PLCB4: variants seen among roughly 807,000 people sequenced by gnomAD.
The protein encoded by PLCB4 is 1-phosphatidylinositol 4,5-bisphosphate phosphodiesterase beta-4.
PLCB4 carries 77 observed loss-of-function variants against 178.8 expected under a neutral mutation model. The observed-to-expected ratio is 0.43, with a 90% confidence interval of 0.36 to 0.52. The LOEUF is 0.52. Ranked by LOEUF, PLCB4 falls within the 20% of genes least tolerant of loss-of-function variation. The probability of loss-of-function intolerance (pLI) is 0.00; values close to 1 mark genes in which losing one functional copy is unlikely to be tolerated. For synonymous variants in PLCB4, 496 were observed against 490.8 expected, an observed-to-expected ratio of 1.01 and a Z score of -0.14; for missense variants, 1,024 against 1,453.4, an observed-to-expected ratio of 0.70 and a Z score of 4.80.
intron 3 of PLCB4, among the ~76,000 whole-genome samples, chr20:9,297,956 C>T (rs1371464581): frequency 6.6e-6 from 1 of 152,062 alleles, no homozygotes. Flanking sequence ...CTGATTATTG[C>T]AGATTGAATT....
chr20:9,093,182 A>G (rs2090758759), intron 1 of PLCB4, among the ~76,000 whole-genome samples: 2 of 152,240 alleles, frequency 1.3e-5, no homozygotes, highest in Non-Finnish European at 2.9e-5. Flanking sequence ...GCATGAATGT[A>G]AAATATCTAA....
At chr20:9,478,130 A>G (rs1035799321) in intron 39 of PLCB4, among the ~76,000 whole-genome samples, 15 of 152,170 alleles carry the variant, frequency 9.9e-5, no homozygotes, top group African/African-American at 3.1e-4. Context: ...GTCGAAATGT[A>G]CTATTTGATT....
intron 1 of PLCB4, among the ~76,000 whole-genome samples, chr20:9,074,748 G>T (rs2089750595): frequency 6.7e-6 from 1 of 148,934 alleles, no homozygotes; most frequent in African/African-American, 2.5e-5. Context: ...ATATAATTCA[G>T]TGAGCCAGAT....
intron 30 of PLCB4, 139 bp downstream of exon 30, chr20:9,437,291 C>A: frequency 1.4e-6 from 1 of 739,644 alleles, no homozygotes; most frequent in Non-Finnish European, 2.1e-6. Flanking sequence ...TTAACTAATT[C>A]ATCCCCACTC....
intron 11 of PLCB4, 88 bp downstream of exon 11, chr20:9,372,491 G>A (rs1029597755): frequency 3.9e-5 from 25 of 634,500 alleles, no homozygotes; most frequent in Middle Eastern, 4.1e-4. Flanking sequence ...TTTTAATAGA[G>A]TATGTTGGTA....
chr20:9,262,316 C>CGAGT (rs11467633), intron 3 of PLCB4, among the ~76,000 whole-genome samples: 4 of 151,706 alleles, frequency 2.6e-5, no homozygotes, highest in South Asian at 2.1e-4. Context: ...GGTGAGTGAG[C>CGAGT]GAGTGAGTGA....
chr20:9,121,428 G>A (rs1356083253), intron 2 of PLCB4, among the ~76,000 whole-genome samples: 2 of 152,016 alleles, frequency 1.3e-5, no homozygotes, highest in Non-Finnish European at 2.9e-5. Flanking sequence ...ACCATTTTCT[G>A]TTTCTTCTGA....
intron 2 of PLCB4, among the ~76,000 whole-genome samples, chr20:9,128,766 A>G (rs2092197638): frequency 6.6e-6 from 1 of 152,168 alleles, no homozygotes; most frequent in African/African-American, 2.4e-5. Flanking sequence ...ATTACTATTC[A>G]TCTCCAGAAC....
chr20:9,369,330 CAG>C (rs1417144980), intron 9 of PLCB4, among the ~76,000 whole-genome samples: 1 of 152,166 alleles, frequency 6.6e-6, no homozygotes, highest in Non-Finnish European at 1.5e-5. Flanking sequence ...CAGATCCTGC[CAG>C]AGTCTTACTA....
At chr20:9,174,537 A>G (rs1396616643) in intron 2 of PLCB4, among the ~76,000 whole-genome samples, 1 of 150,020 alleles carries the variant, frequency 6.7e-6, no homozygotes, top group Non-Finnish European at 1.5e-5. Flanking sequence ...TTTCATCTAC[A>G]TTTCCTACTA....
At chr20:9,117,302 T>C (rs956045396) in intron 2 of PLCB4, among the ~76,000 whole-genome samples, 1 of 152,208 alleles carries the variant, frequency 6.6e-6, no homozygotes, top group Non-Finnish European at 1.5e-5. Context: ...TTGTAATTTC[T>C]GTCAAAGGGT....
At chr20:9,077,786 ACTGGC>A (rs2089942237) in intron 1 of PLCB4, among the ~76,000 whole-genome samples, 1 of 152,224 alleles carries the variant, frequency 6.6e-6, no homozygotes, top group African/African-American at 2.4e-5. Context: ...AGACGTTGAT[ACTGGC>A]CTGGGAAAAT....
intron 12 of PLCB4, among the ~76,000 whole-genome samples, chr20:9,373,775 A>T (rs1316040248): frequency 6.6e-6 from 1 of 152,196 alleles, no homozygotes; most frequent in Non-Finnish European, 1.5e-5. Flanking sequence ...CAAGAGAAAA[A>T]TATTTTCGAA....
chr20:9,134,193 C>A (rs1221045463), intron 2 of PLCB4, among the ~76,000 whole-genome samples: 1 of 152,120 alleles, frequency 6.6e-6, no homozygotes, highest in Non-Finnish European at 1.5e-5. Flanking sequence ...TCCTGAGTTT[C>A]AGAATTTTTA....
At position 9,327,783 on chromosome 20, in the gene PLCB4, A is replaced by T. The variant is rs138033714; in HGVS notation, c.85-9343A>T. Among the ~76,000 whole-genome samples the T allele has an allele frequency of 5.3e-3, 812 of 152,284 alleles. 2 individuals are homozygous for T. Among genetic ancestry groups the T allele is most frequent in the Middle Eastern group, 0.02 (6 of 294 alleles). On this transcript the variant is annotated intron_variant, in intron 4 of 39. Transcript: ENST00000378473. The stretch of plus-strand genomic sequence containing the variant: ...AGAGCGAGACTCCATCTCGAAAAAA[A>T]AATAATAATAAAACAAAATTAAAAA...
rs6118540 is a variant in PLCB4 at position 9,239,985 on chromosome 20, C to T, written c.-16+22533C>T. ...TCTCTTGCCTGCTTTATTCTAGCTGCGCTGGCAGCTGATTAGATGGTGCCT... is the reference window on the plus strand; with the variant it reads ...TCTCTTGCCTGCTTTATTCTAGCTGTGCTGGCAGCTGATTAGATGGTGCCT... On this transcript the variant is annotated intron_variant, in intron 3 of 39. Transcript: ENST00000378473. Among the ~76,000 whole-genome samples the T allele has an allele frequency of 5.5e-3, 830 of 152,284 alleles. 9 individuals are homozygous for T. Among genetic ancestry groups the T allele is most frequent in the African/African-American group, 0.019 (795 of 41,566 alleles).
intron 2 of PLCB4, among the ~76,000 whole-genome samples, chr20:9,136,045 T>G (rs753395759): frequency 4.6e-5 from 7 of 152,128 alleles, no homozygotes; most frequent in Non-Finnish European, 7.3e-5. Context: ...AGTCAAAACT[T>G]TTTGACCCCA....
At chr20:9,135,224 T>C (rs1421818387) in intron 2 of PLCB4, among the ~76,000 whole-genome samples, 1 of 152,072 alleles carries the variant, frequency 6.6e-6, no homozygotes, top group African/African-American at 2.4e-5. Context: ...AAATATACAA[T>C]TTAACTTTAA....
At chr20:9,431,653 T>TGTGTGC (rs1491045677) in intron 28 of PLCB4, among the ~76,000 whole-genome samples, 1 of 56,928 alleles carries the variant, frequency 1.8e-5, no homozygotes, top group East Asian at 5.3e-4. Flanking sequence ...TGTGTGTTTG[T>TGTGTGC]GTGTGTGTGT....
Sources: allele counts gnomAD v4.1 joint callset (sites outside exome capture counted in the v4.1 genomes callset), GRCh38; gene constraint gnomAD v4.1.1; transcripts MANE v1.5; gene names NCBI Gene and HGNC (gene_info 2026-07-23, HGNC 2026-07-21).